MEGF11: variants seen among roughly 807,000 people sequenced by gnomAD.
MEGF11 encodes the protein multiple EGF like domains 11.
Under a neutral mutation model 146.6 loss-of-function variants are expected in MEGF11, and 126 were observed. That is an observed-to-expected ratio of 0.86 (90% confidence interval 0.74 to 1.00). The LOEUF (loss-of-function observed/expected upper bound fraction) is 1.00, where lower values mean the gene tolerates loss of function less well. Ranked by LOEUF, MEGF11 falls within the 50% of genes least tolerant of loss-of-function variation. MEGF11 has a pLI of 0.00. For synonymous variants in MEGF11, 532 were observed against 583.4 expected (o/e 0.91, Z 1.27); for missense variants, 1,509 against 1,521.2 (o/e 0.99, Z 0.13).
chr15:66,158,009 T>A (rs1039695152), intron 1 of MEGF11, among the ~76,000 whole-genome samples: 1 of 152,244 alleles, frequency 6.6e-6, no homozygotes. Flanking sequence ...TGTTGCCCCT[T>A]GAAATGTTTT....
chr15:66,170,442 T>C (rs575617351), intron 1 of MEGF11, among the ~76,000 whole-genome samples: 3 of 152,330 alleles, frequency 2.0e-5, no homozygotes, highest in Admixed American at 6.5e-5. Flanking sequence ...TACAGGGAAG[T>C]CTACAGGGTG....
At position 66,094,481 on chromosome 15, in the gene MEGF11, C is replaced by T; in HGVS notation, c.315G>A (p.Glu105=). The T allele has an allele frequency of 6.4e-7, 1 of 1,561,004 alleles. No individual in the cohort carries two copies. The part of the protein sequence containing the change: ...SGDFCIPLCT[E]ECVHGRCVSP... ...AAACGCAGCGGCCGTGCACACACTC[C>T]TCCGTACACAGGGCTGAGGGGACAT... The change falls in exon 5 of 26, where the codon GAG becomes GAA. Residue 105 remains glutamate (E), a synonymous_variant. Transcript: ENST00000395614.
intron 10 of MEGF11, among the ~76,000 whole-genome samples, chr15:65,955,823 A>ATATAAATATATATATATATATAT (rs1555455891): frequency 5.0e-5 from 2 of 40,204 alleles, no homozygotes; most frequent in Non-Finnish European, 4.5e-5. Context: ...CAATACTTTA[A>ATATAAATATATATATATATATAT]ATATATAACA....
chr15:66,123,818 G>T, intron 3 of MEGF11, 81 bp downstream of exon 3: 3 of 1,100,120 alleles, frequency 2.7e-6, no homozygotes, highest in Non-Finnish European at 2.8e-6. Flanking sequence ...TGCTCCAGCG[G>T]CCTTTTTCTA....
intron 4 of MEGF11, among the ~76,000 whole-genome samples, chr15:66,115,805 G>A (rs1391482402): frequency 6.6e-6 from 1 of 152,242 alleles, no homozygotes; most frequent in African/African-American, 2.4e-5. Flanking sequence ...AGAACACCAT[G>A]TGACGATCAG....
At chr15:66,089,998 A>G (rs8041690) in intron 5 of MEGF11, among the ~76,000 whole-genome samples, 146,812 of 152,296 alleles carry the variant, frequency 0.96, 70,993 homozygotes, top group East Asian at 1. Context: ...ATAGTGGTCC[A>G]TCTAACAGCC....
rs549895518 is a variant in MEGF11, at chr15:66,249,007, T to C, written c.-9+4598A>G. 1.9e-4 allele frequency among the ~76,000 whole-genome samples: 29 copies of C among 152,354 alleles called. No homozygotes were observed. The South Asian group carries it at 5.8e-3, about 30-fold the overall frequency. On this transcript the variant is annotated intron_variant, in intron 1 of 25. Coordinates refer to ENST00000395614, the MANE Select transcript of MEGF11 (RefSeq NM_001385028.1). ...TATGGTTCTTTTCTTTTGGGTCTAA[T>C]TAACACATTGGGGATAAAGTGTGCT...
At chr15:65,917,595 C>T (rs1027823603) in intron 16 of MEGF11, among the ~76,000 whole-genome samples, 1 of 152,184 alleles carries the variant, frequency 6.6e-6, no homozygotes, top group East Asian at 1.9e-4. Flanking sequence ...CTGCACCCTC[C>T]TGAGGTGGCT....
intron 5 of MEGF11, among the ~76,000 whole-genome samples, chr15:66,073,596 C>A (rs1429500861): frequency 6.6e-6 from 1 of 152,218 alleles, no homozygotes; most frequent in Non-Finnish European, 1.5e-5. Context: ...TTTCAATGCC[C>A]ATCATGGTCC....
chr15:66,184,718 T>C (rs1484341274), intron 1 of MEGF11, among the ~76,000 whole-genome samples: 1 of 151,332 alleles, frequency 6.6e-6, no homozygotes, highest in African/African-American at 2.4e-5. Flanking sequence ...CCTGCCTCGC[T>C]GACTTTCTAG....
intron 1 of MEGF11, among the ~76,000 whole-genome samples, chr15:66,179,423 C>T (rs975125571): frequency 2.6e-5 from 4 of 152,128 alleles, no homozygotes; most frequent in Non-Finnish European, 5.9e-5. Context: ...ATGAGCCATT[C>T]CGCCCAGCTG....
intron 18 of MEGF11, 32 bp from the exon 19 acceptor site, chr15:65,915,630 C>T: frequency 6.2e-7 from 1 of 1,607,060 alleles, no homozygotes; most frequent in South Asian, 1.1e-5. Flanking sequence ...GGTAGAGGAC[C>T]CACTCACTCT....
At position 66,002,084 on chromosome 15, in the gene MEGF11, A is replaced by G. The variant is rs139395377; in HGVS notation, c.395-19596T>C. On this transcript the variant is annotated intron_variant, in intron 5 of 25. Coordinates refer to ENST00000395614, the MANE Select transcript of MEGF11 (RefSeq NM_001385028.1). Reference sequence around the variant, plus strand: ...GGAAGTTGTTGGGGATTGGGTGAGCACAGATCTTTTCGACTCAGTGTAAAA... The same window carrying G: ...GGAAGTTGTTGGGGATTGGGTGAGCGCAGATCTTTTCGACTCAGTGTAAAA... Among the ~76,000 whole-genome samples the G allele has an allele frequency of 2.6e-3, 393 of 152,122 alleles. 3 individuals carry two copies. The highest frequency in any genetic ancestry group is 8.8e-3 in the African/African-American group (365 of 41,492).
chr15:66,157,563 A>G (rs892549677), intron 1 of MEGF11, among the ~76,000 whole-genome samples: 3 of 152,236 alleles, frequency 2.0e-5, no homozygotes, highest in African/African-American at 7.2e-5. Flanking sequence ...CCCTGGGTCC[A>G]GAATCTCCTG....
intron 1 of MEGF11, among the ~76,000 whole-genome samples, chr15:66,246,904 T>A (rs1448948275): frequency 6.6e-6 from 1 of 152,158 alleles, no homozygotes. Flanking sequence ...AAACCAGGAA[T>A]CCAGGGCTGG....
intron 1 of MEGF11, among the ~76,000 whole-genome samples, chr15:66,179,045 T>C (rs1264962934): frequency 6.6e-6 from 1 of 151,304 alleles, no homozygotes; most frequent in Non-Finnish European, 1.5e-5. Flanking sequence ...TTTCCAGTAC[T>C]TTCACTCTCC....
At chr15:66,094,584 C>T in intron 4 of MEGF11, 90 bp from the exon 5 acceptor site, 1 of 1,123,488 alleles carries the variant, frequency 8.9e-7, no homozygotes, top group Non-Finnish European at 1.3e-6. Context: ...TTTGTCACAA[C>T]TCCCTGGTGC....
chr15:65,965,608 T>C (rs796921265), intron 8 of MEGF11, among the ~76,000 whole-genome samples: 74 of 68,852 alleles, frequency 1.1e-3, no homozygotes, highest in South Asian at 2.3e-3. Flanking sequence ...TTCTTTTTTT[T>C]TTTTCTTTTT....
intron 7 of MEGF11, among the ~76,000 whole-genome samples, chr15:65,977,108 G>A (rs2081475625): frequency 7.5e-6 from 1 of 134,074 alleles, no homozygotes; most frequent in African/African-American, 2.8e-5. Context: ...GGCGGAGCTT[G>A]CAGTGAGCCG....
Sources: gnomAD v4.1 joint callset for allele counts (sites outside exome capture counted in the v4.1 genomes callset) on GRCh38, gnomAD v4.1.1 for gene constraint, MANE v1.5 for transcripts, NCBI Gene and HGNC (gene_info 2026-07-23, HGNC 2026-07-21) for gene names.